MAPK10: variants seen among roughly 807,000 people sequenced by gnomAD.
MAPK10 encodes the protein JNK3 alpha protein kinase.
MAPK10 carries 25 observed loss-of-function variants against 59.3 expected under a neutral mutation model. The ratio of observed to expected loss-of-function variants is 0.42; its 90% CI spans 0.31 to 0.59. The LOEUF is 0.59. Among genes scored for constraint, MAPK10 ranks in the 20% least tolerant of loss-of-function variants. The pLI, the probability that MAPK10 is intolerant of heterozygous loss-of-function variation, is 0.15. For synonymous variants in MAPK10, 190 were observed against 200.5 expected, an observed-to-expected ratio of 0.95 and a Z score of 0.44; for missense variants, 351 against 568.9, an observed-to-expected ratio of 0.62 and a Z score of 3.90.
intron 2 of MAPK10, among the ~76,000 whole-genome samples, chr4:86,251,080 T>C (rs2093391540): frequency 6.6e-6 from 1 of 152,210 alleles, no homozygotes; most frequent in Admixed American, 6.5e-5. Flanking sequence ...CTAAAACTGA[T>C]GCTGATTCTT....
At chr4:86,162,153 A>G (rs1255153396) in intron 3 of MAPK10, among the ~76,000 whole-genome samples, 1 of 151,926 alleles carries the variant, frequency 6.6e-6, no homozygotes, top group Non-Finnish European at 1.5e-5. Context: ...ACAATTAAAT[A>G]AGAAAGTAGT....
At chr4:86,155,918 A>G (rs1581466150) in intron 4 of MAPK10, among the ~76,000 whole-genome samples, 1 of 152,064 alleles carries the variant, frequency 6.6e-6, no homozygotes, top group South Asian at 2.1e-4. Context: ...GATAACTGAG[A>G]CTGCCACTAA....
chr4:86,475,330 C>T (rs1470947730), intron 1 of MAPK10, among the ~76,000 whole-genome samples: 3 of 152,156 alleles, frequency 2.0e-5, no homozygotes, highest in Admixed American at 6.5e-5. Flanking sequence ...GACCTCGGGT[C>T]CTCAGACCGA....
chr4:86,546,916 C>A (rs536489963), intron 1 of MAPK10, among the ~76,000 whole-genome samples: 1 of 152,036 alleles, frequency 6.6e-6, no homozygotes, highest in Non-Finnish European at 1.5e-5. Context: ...ATTAGCTGGG[C>A]GTGGTGGCGG....
chr4:86,483,345 TA>T (rs935264173), intron 1 of MAPK10, among the ~76,000 whole-genome samples: 33 of 151,248 alleles, frequency 2.2e-4, no homozygotes, highest in Admixed American at 1.1e-3. Context: ...TGAGTGTGCT[TA>T]AAAAAAAATC....
chr4:86,044,097 A>T (rs1467850846), intron 11 of MAPK10, among the ~76,000 whole-genome samples: 1 of 152,198 alleles, frequency 6.6e-6, no homozygotes, highest in Non-Finnish European at 1.5e-5. Context: ...TCTCTAGCTG[A>T]CGGGGCTCTT....
chr4:86,555,747 A>C (rs980659524), intron 1 of MAPK10, among the ~76,000 whole-genome samples: 1 of 152,182 alleles, frequency 6.6e-6, no homozygotes, highest in Non-Finnish European at 1.5e-5. Context: ...AACAACTTTA[A>C]ATTTGTTCCT....
chr4:86,586,545 G>C (rs918235902), intron 1 of MAPK10, among the ~76,000 whole-genome samples: 3 of 152,190 alleles, frequency 2.0e-5, no homozygotes, highest in African/African-American at 7.2e-5. Context: ...CCACATTAAC[G>C]TGTGAAGAGA....
intron 1 of MAPK10, among the ~76,000 whole-genome samples, chr4:86,563,067 C>T (rs1760798874): frequency 1.3e-5 from 2 of 151,992 alleles, no homozygotes; most frequent in Non-Finnish European, 1.5e-5. Flanking sequence ...CCTACATAAC[C>T]CTTGGTATGT....
chr4:86,392,782 A>G (rs930010407), intron 1 of MAPK10, among the ~76,000 whole-genome samples: 1 of 152,210 alleles, frequency 6.6e-6, no homozygotes, highest in African/African-American at 2.4e-5. Flanking sequence ...AAGGAGAGGG[A>G]TAAGGAGGAA....
chr4:86,327,138 C>CA (rs1554213561), intron 2 of MAPK10: 2 of 139,844 alleles, frequency 1.4e-5, no homozygotes, highest in Admixed American at 1.4e-4. Flanking sequence ...ACCCAGCTAA[C>CA]TTTTTTTTTT....
At chr4:86,276,037 A>T (rs1449364875) in intron 2 of MAPK10, among the ~76,000 whole-genome samples, 1 of 152,074 alleles carries the variant, frequency 6.6e-6, no homozygotes, top group African/African-American at 2.4e-5. Flanking sequence ...TAACATTGAA[A>T]ACATACTTTT....
chr4:86,049,564 T>C (rs1428170181), intron 11 of MAPK10, among the ~76,000 whole-genome samples: 9 of 152,090 alleles, frequency 5.9e-5, no homozygotes, highest in South Asian at 2.1e-4. Context: ...ACTAAAACTG[T>C]TCAGTTTAAA....
chr4:86,108,050 T>G (rs2056842264), intron 4 of MAPK10, among the ~76,000 whole-genome samples: 1 of 152,126 alleles, frequency 6.6e-6, no homozygotes, highest in African/African-American at 2.4e-5. Context: ...ACTGGTGGGC[T>G]GATGATCAAA....
At chr4:86,180,599 G>C (rs998642305) in intron 3 of MAPK10, among the ~76,000 whole-genome samples, 2 of 151,566 alleles carry the variant, frequency 1.3e-5, no homozygotes, top group African/African-American at 4.8e-5. Flanking sequence ...ATCAACCTTA[G>C]GTGTCCAACA....
At chr4:86,369,937 C>G (rs1738501672) in intron 1 of MAPK10, among the ~76,000 whole-genome samples, 1 of 152,156 alleles carries the variant, frequency 6.6e-6, no homozygotes, top group Non-Finnish European at 1.5e-5. Context: ...ACTTCACAGA[C>G]TTTTCATGAG....
chr4:86,576,949 C>T (rs1254777177), intron 1 of MAPK10, among the ~76,000 whole-genome samples: 1 of 152,100 alleles, frequency 6.6e-6, no homozygotes, highest in Non-Finnish European at 1.5e-5. Flanking sequence ...AGTCCAGAGA[C>T]AATAGAGCGC....
chr4:86,468,959 TCAGGGGA>T lies in MAPK10; in HGVS notation c.-262-114322_-262-114316del, dbSNP rs374510051. ...TAGAATTCCCAATTGACCAGGCTGG[TCAGGGGA>T]TTCATAAGAAATACAAATGAAGAAA... On this transcript the variant is annotated intron_variant, in intron 1 of 4. Transcript: ENST00000502302. Among the ~76,000 whole-genome samples, 105 of 152,200 alleles carry T rather than the reference TCAGGGGA, an allele frequency of 6.9e-4. No individual in the cohort carries two copies. In the East Asian group the frequency reaches 0.016, roughly 24 times the overall value.
chr4:86,341,385 T>C (rs890357899), intron 2 of MAPK10, among the ~76,000 whole-genome samples: 1 of 152,150 alleles, frequency 6.6e-6, no homozygotes, highest in African/African-American at 2.4e-5. Context: ...TTAAGAGACA[T>C]GATCAATAGC....
Sources: gnomAD v4.1 joint callset for allele counts (sites outside exome capture counted in the v4.1 genomes callset) on GRCh38, gnomAD v4.1.1 for gene constraint, MANE v1.5 for transcripts, NCBI Gene and HGNC (gene_info 2026-07-23, HGNC 2026-07-21) for gene names.